Variants in SLC6A11 observed in about 807,000 individuals in gnomAD.
The protein encoded by SLC6A11 is sodium- and chloride-dependent GABA transporter 3.
In SLC6A11, 25 loss-of-function variants were observed where a neutral mutation model predicts 74.8. The ratio of observed to expected loss-of-function variants is 0.33; its 90% CI spans 0.24 to 0.47. The LOEUF is 0.47. Ranked by LOEUF, SLC6A11 falls within the 20% of genes least tolerant of loss-of-function variation. SLC6A11 has a pLI of 1.00. For synonymous variants in SLC6A11, 330 were observed against 330.2 expected (o/e 1.00, Z 0.01); for missense variants, 574 against 837.0 (o/e 0.69, Z 3.88).
chr3:10,928,099 G>C (rs1695633162), intron 9 of SLC6A11, among the ~76,000 whole-genome samples: 1 of 152,186 alleles, frequency 6.6e-6, no homozygotes, highest in Non-Finnish European at 1.5e-5. Context: ...TACAGACCAT[G>C]TAGAGACTAC....
intron 6 of SLC6A11, 145 bp downstream of exon 6, chr3:10,875,240 A>G (rs1408819027): frequency 1.5e-6 from 1 of 653,146 alleles, no homozygotes; most frequent in Non-Finnish European, 2.3e-6. Context: ...TTTTAAATGC[A>G]TAAATTTAAT....
chr3:10,911,994 G>A, intron 6 of SLC6A11, 96 bp from the exon 7 acceptor site: 1 of 829,408 alleles, frequency 1.2e-6, no homozygotes, highest in Non-Finnish European at 2.1e-6. Flanking sequence ...TTTTTCTGAA[G>A]GGTAGAGTGT....
At position 10,926,199 on chromosome 3, in the gene SLC6A11, C is replaced by T. The variant is rs1452914077; in HGVS notation, c.1233+83C>T. On this transcript the variant is annotated intron_variant, in intron 9 of 13. Transcript: ENST00000254488. This position sits in a 1 kb window ranked among gnomAD's most constrained non-coding sequence, Gnocchi z 5.7. ...AGACGCCACCCTTAGGAGTGGCTCCCCAGGCCCAGCCACTCCCACCTGGCC... is the reference window on the plus strand; with the variant it reads ...AGACGCCACCCTTAGGAGTGGCTCCTCAGGCCCAGCCACTCCCACCTGGCC... 1.2e-6 allele frequency: 1 copy of T among 803,852 alleles called. No homozygotes were observed. Among genetic ancestry groups the T allele is most frequent in the East Asian group, 2.5e-5 (1 of 40,440 alleles). The allele number at this position is 803,852 out of a possible 1,614,324, so 49.8% of individuals were successfully genotyped here.
At chr3:10,892,574 T>G (rs1242736748) in intron 6 of SLC6A11, among the ~76,000 whole-genome samples, 1 of 151,710 alleles carries the variant, frequency 6.6e-6, no homozygotes. Flanking sequence ...TCTTCCTTTT[T>G]TTTTTTTTTT....
intron 6 of SLC6A11, among the ~76,000 whole-genome samples, chr3:10,908,894 C>T (rs926350519): frequency 6.6e-6 from 1 of 152,060 alleles, no homozygotes; most frequent in African/African-American, 2.4e-5. Context: ...ACAATTCAAT[C>T]CAATGTGACT....
Position 10,937,344 on chromosome 3 carries a change from G to A in SLC6A11, c.1747-906G>A, listed in dbSNP as rs543657255. 1.1e-4 allele frequency among the ~76,000 whole-genome samples: 16 copies of A among 152,262 alleles called. No homozygotes were observed. The East Asian group carries it at 2.7e-3, about 26-fold the overall frequency. ...CCAGATCCATGCCAGAGCCTGGCAC[G>A]GTGCCTGGCACAGAGGAGGCACCTA... On this transcript the variant is annotated intron_variant, in intron 13 of 13. Coordinates refer to ENST00000254488, the MANE Select transcript of SLC6A11 (RefSeq NM_014229.3).
intron 4 of SLC6A11, among the ~76,000 whole-genome samples, chr3:10,829,862 G>A (rs772391715): frequency 3.9e-5 from 6 of 152,180 alleles, no homozygotes; most frequent in Admixed American, 6.5e-5. Flanking sequence ...GGCTCATCAA[G>A]CAAGGCCTTG....
At chr3:10,886,475 G>C (rs191193195) in intron 6 of SLC6A11, among the ~76,000 whole-genome samples, 59 of 152,252 alleles carry the variant, frequency 3.9e-4, no homozygotes, top group African/African-American at 1.3e-3. Context: ...GCAGATCTCA[G>C]CTCCAAAGTC....
intron 4 of SLC6A11, 108 bp downstream of exon 4, chr3:10,823,500 T>G: frequency 2.8e-6 from 2 of 722,180 alleles, no homozygotes; most frequent in South Asian, 1.6e-5. Context: ...TCTTGCAGCC[T>G]GGCACTTCCT....
chr3:10,926,933 C>A lies in SLC6A11; in HGVS notation c.1233+817C>A, dbSNP rs537047753. 1.3e-5 allele frequency among the ~76,000 whole-genome samples: 2 copies of A among 152,274 alleles called. No individual in the cohort carries two copies. Among genetic ancestry groups the A allele is most frequent in the South Asian group, 4.2e-4 (2 of 4,818 alleles). On this transcript the variant is annotated intron_variant, in intron 9 of 13. Transcript: ENST00000254488. The surrounding 1 kb of genome is among the most constrained non-coding windows in gnomAD (Gnocchi z 5.7). ...TCCCCCAGCCACAGCCTCCCCGCCT[C>A]GGAGACTGGGGTCTCTTGGCCAACC...
At chr3:10,850,760 C>G (rs1413363476) in intron 5 of SLC6A11, among the ~76,000 whole-genome samples, 1 of 152,142 alleles carries the variant, frequency 6.6e-6, no homozygotes, top group East Asian at 1.9e-4. Flanking sequence ...AGAACCACTA[C>G]AGGTTTTCCA....
intron 5 of SLC6A11, among the ~76,000 whole-genome samples, chr3:10,846,253 AAC>A (rs1694501341): frequency 6.6e-6 from 1 of 152,186 alleles, no homozygotes; most frequent in Non-Finnish European, 1.5e-5. Context: ...AGATGAGTAA[AAC>A]ACAGCCTCTT....
chr3:10,877,031 G>C (rs1292988927), intron 6 of SLC6A11, among the ~76,000 whole-genome samples: 1 of 152,176 alleles, frequency 6.6e-6, no homozygotes, highest in African/African-American at 2.4e-5. Context: ...GGTTTTCAAA[G>C]TGGATTTGGA....
chr3:10,865,884 G>A (rs1019346956), intron 5 of SLC6A11, among the ~76,000 whole-genome samples: 5 of 152,146 alleles, frequency 3.3e-5, no homozygotes, highest in African/African-American at 4.8e-5. Context: ...TGAGTAGAAG[G>A]AAACAGTGTG....
rs148654824 is a variant in SLC6A11, at chr3:10,892,014, C to T, written c.891+16919C>T. 7.6e-3 allele frequency among the ~76,000 whole-genome samples: 1,159 copies of T among 152,394 alleles called. 17 individuals are homozygous for T. The highest frequency in any genetic ancestry group is 0.026 in the African/African-American group (1,088 of 41,594). ...AAGTTGCTATGACTGGTTCCTGCAG[C>T]TCCTCCATAGTTGGGAAGAAGTGTG... On this transcript the variant is annotated intron_variant, in intron 6 of 13. Transcript: ENST00000254488.
rs201435847 is a variant in SLC6A11, at chr3:10,844,253, C to T, written c.663C>T (p.Ile221=). ...VLAISDGIEH[I]GNLRWELALC... ...CCATCTCTGACGGGATCGAGCACATCGGGAACCTTCGCTGGGAGCTGGCCT... is the reference window on the plus strand; with the variant it reads ...CCATCTCTGACGGGATCGAGCACATTGGGAACCTTCGCTGGGAGCTGGCCT... Residue 221 remains isoleucine (I), a synonymous_variant, in exon 5 of 14, where the codon ATC becomes ATT. Transcript: ENST00000254488. The T allele has an allele frequency of 3.1e-6, 5 of 1,614,200 alleles. No homozygotes were observed. Among genetic ancestry groups the T allele is most frequent in the South Asian group, 1.1e-5 (1 of 91,080 alleles).
chr3:10,874,063 C>G (rs1329677670), intron 5 of SLC6A11, among the ~76,000 whole-genome samples: 18 of 152,224 alleles, frequency 1.2e-4, no homozygotes, highest in Admixed American at 1.2e-3. Flanking sequence ...CTATCCTGTG[C>G]TATCCTAGTC....
chr3:10,904,489 G>C (rs1259317114), intron 6 of SLC6A11, among the ~76,000 whole-genome samples: 2 of 152,178 alleles, frequency 1.3e-5, no homozygotes, highest in Non-Finnish European at 2.9e-5. Context: ...CCCATTCATT[G>C]CTGCAGAACA....
chr3:10,860,655 C>T (rs1694692215), intron 5 of SLC6A11, among the ~76,000 whole-genome samples: 1 of 152,224 alleles, frequency 6.6e-6, no homozygotes, highest in Non-Finnish European at 1.5e-5. Flanking sequence ...TGGGTAACAG[C>T]AGCTTCCATG....
Sources: allele counts gnomAD v4.1 joint callset (sites outside exome capture counted in the v4.1 genomes callset), GRCh38; gene constraint gnomAD v4.1.1; non-coding constraint Gnocchi (gnomAD v3.1); transcripts MANE v1.5; gene names NCBI Gene and HGNC (gene_info 2026-07-23, HGNC 2026-07-21).